NCEH1: variants seen among roughly 807,000 people sequenced by gnomAD.
The protein encoded by NCEH1 is 2-acetyl MAGE hydrolase.
NCEH1 carries 9 observed loss-of-function variants against 25.4 expected under a neutral mutation model. That is an observed-to-expected ratio of 0.35 (90% CI 0.21 to 0.62). NCEH1 has a LOEUF of 0.62. Ranked by LOEUF, NCEH1 falls within the 20% of genes least tolerant of loss-of-function variation. The pLI, the probability that NCEH1 is intolerant of heterozygous loss-of-function variation, is 0.72. For missense variants in NCEH1, 412 were observed against 501.1 expected, an observed-to-expected ratio of 0.82 and a Z score of 1.70; for synonymous variants, 200 against 199.8, an observed-to-expected ratio of 1.00 and a Z score of -0.01.
At position 172,633,785 on chromosome 3, in the gene NCEH1, G is replaced by A; in HGVS notation, c.917C>T (p.Thr306Ile). The stretch of plus-strand genomic sequence containing the variant: ...CTGGACAATCCTGGCATTGCCTGTG[G>A]TCTGTACAACAGGCTTGTAGTTCTT... ...FTKNYKPVVQ[T>I]TGNARIVQEL... Residue 306 changes from threonine (T) to isoleucine (I), a missense_variant, in exon 5 of 5, where the codon ACC becomes ATC. Physicochemically the swap from Thr to Ile is moderately conservative, Grantham distance 89. Around this residue, in one of 3 missense-constraint regions of NCEH1, gnomAD observed 210 missense variants for 258.2 expected, o/e 0.81. Transcript: ENST00000475381. 1 of 1,614,218 alleles carries A rather than the reference G, an allele frequency of 6.2e-7. No individual in the cohort carries two copies. Among genetic ancestry groups the A allele is most frequent in the Non-Finnish European group, 8.5e-7 (1 of 1,180,028 alleles).
chr3:172,667,714 G>A (rs900695445), intron 1 of NCEH1, among the ~76,000 whole-genome samples: 1 of 152,184 alleles, frequency 6.6e-6, no homozygotes, highest in African/African-American at 2.4e-5. Flanking sequence ...TTCTAGATGG[G>A]TAACAGATTT....
intron 3 of NCEH1, among the ~76,000 whole-genome samples, chr3:172,642,796 C>A (rs1327019849): frequency 6.6e-6 from 1 of 152,136 alleles, no homozygotes; most frequent in Non-Finnish European, 1.5e-5. Context: ...CATGACAATT[C>A]TCTGCAGTCA....
intron 1 of NCEH1, among the ~76,000 whole-genome samples, chr3:172,657,154 C>A (rs1194297851): frequency 6.6e-6 from 1 of 152,152 alleles, no homozygotes; most frequent in Admixed American, 6.5e-5. Context: ...TTTCCTTGAG[C>A]AAGCCAATGT....
intron 3 of NCEH1, 39 bp from the exon 4 acceptor site, chr3:172,636,126 C>T: frequency 1.4e-6 from 2 of 1,468,596 alleles, no homozygotes; most frequent in African/African-American, 1.4e-5. Context: ...AGGCCTTCTC[C>T]AATTTTGGGG....
At chr3:172,638,869 T>C (rs1716721645) in intron 3 of NCEH1, among the ~76,000 whole-genome samples, 1 of 152,210 alleles carries the variant, frequency 6.6e-6, no homozygotes, top group Admixed American at 6.5e-5. Context: ...TATAATAGGA[T>C]AAACATGCTT....
chr3:172,642,336 G>A (rs889524823), intron 3 of NCEH1, among the ~76,000 whole-genome samples: 19 of 151,878 alleles, frequency 1.3e-4, no homozygotes, highest in Admixed American at 1.2e-3. Flanking sequence ...ACCATGCCTG[G>A]CTAATTGTTT....
intron 1 of NCEH1, among the ~76,000 whole-genome samples, chr3:172,702,776 G>C (rs1449188161): frequency 2.0e-5 from 3 of 152,096 alleles, no homozygotes; most frequent in Non-Finnish European, 4.4e-5. Flanking sequence ...TTGAGCCCAG[G>C]AGTTTGAGAC....
chr3:172,691,673 G>A (rs549609868), intron 1 of NCEH1, among the ~76,000 whole-genome samples: 315 of 152,242 alleles, frequency 2.1e-3, no homozygotes, highest in African/African-American at 7.2e-3. Context: ...GTGCTGGCCG[G>A]GCGCGGTGGC....
intron 1 of NCEH1, among the ~76,000 whole-genome samples, chr3:172,673,631 A>G (rs2108514235): frequency 6.6e-6 from 1 of 152,312 alleles, no homozygotes; most frequent in South Asian, 2.1e-4. Context: ...TTCATGAGAG[A>G]CAGCAGGGAT....
At chr3:172,700,069 T>C (rs1363780077) in intron 1 of NCEH1, among the ~76,000 whole-genome samples, 2 of 152,218 alleles carry the variant, frequency 1.3e-5, no homozygotes, top group African/African-American at 4.8e-5. Flanking sequence ...CCAATAGGTA[T>C]TCTACAAATG....
At chr3:172,691,706 T>C (rs1439026543) in intron 1 of NCEH1, among the ~76,000 whole-genome samples, 3 of 152,214 alleles carry the variant, frequency 2.0e-5, no homozygotes, top group Non-Finnish European at 2.9e-5. Context: ...TCCCAGCACT[T>C]GGGGAGGCTG....
At chr3:172,664,252 G>C (rs1206097272) in intron 1 of NCEH1, among the ~76,000 whole-genome samples, 1 of 152,306 alleles carries the variant, frequency 6.6e-6, no homozygotes, top group East Asian at 1.9e-4. Flanking sequence ...ATTCTGGGTT[G>C]AAAATTCTTT....
rs548490871 is a variant in NCEH1, at chr3:172,661,817, G to A, written c.139-13703C>T. On this transcript the variant is annotated intron_variant, in intron 1 of 4. Transcript: ENST00000475381. The stretch of plus-strand genomic sequence containing the variant: ...GGAATGCTTGTGATTTTTGCACATT[G>A]ATTTTGTATCCTGAGACTTTGCTGA... Among the ~76,000 whole-genome samples the A allele has an allele frequency of 3.6e-3, 544 of 152,048 alleles. 3 individuals carry two copies. Among genetic ancestry groups the A allele is most frequent in the African/African-American group, 0.013 (532 of 41,490 alleles).
intron 3 of NCEH1, among the ~76,000 whole-genome samples, chr3:172,643,268 T>A (rs544701934): frequency 3.3e-5 from 5 of 152,262 alleles, no homozygotes; most frequent in Middle Eastern, 3.4e-3. Flanking sequence ...AAATAGGGTC[T>A]CCCTGTGTTG....
intron 1 of NCEH1, among the ~76,000 whole-genome samples, chr3:172,684,928 C>T (rs997144609): frequency 2.0e-5 from 3 of 150,822 alleles, no homozygotes; most frequent in Admixed American, 6.6e-5. Flanking sequence ...TGCAGTGAGC[C>T]GAGACTGTGC....
At chr3:172,650,314 C>T (rs1379097009) in intron 1 of NCEH1, among the ~76,000 whole-genome samples, 1 of 151,900 alleles carries the variant, frequency 6.6e-6, no homozygotes, top group Non-Finnish European at 1.5e-5. Flanking sequence ...ACCAGCCTGG[C>T]CAACATGGTG....
At chr3:172,659,406 G>A (rs897454476) in intron 1 of NCEH1, among the ~76,000 whole-genome samples, 2 of 152,128 alleles carry the variant, frequency 1.3e-5, no homozygotes, top group African/African-American at 4.8e-5. Flanking sequence ...TCTCCAGGGG[G>A]ACAACCATGT....
At chr3:172,702,705 T>C (rs576559105) in intron 1 of NCEH1, among the ~76,000 whole-genome samples, 2 of 152,302 alleles carry the variant, frequency 1.3e-5, no homozygotes, top group Admixed American at 1.3e-4. Context: ...CAATTACAGG[T>C]AGGCACGGTG....
chr3:172,666,099 T>C (rs1004367484), intron 1 of NCEH1, among the ~76,000 whole-genome samples: 1 of 152,234 alleles, frequency 6.6e-6, no homozygotes, highest in Non-Finnish European at 1.5e-5. Flanking sequence ...GAGCTGCTTC[T>C]ATTCTTGGAA....
Sources: allele counts gnomAD v4.1 joint callset (sites outside exome capture counted in the v4.1 genomes callset), GRCh38; gene constraint gnomAD v4.1.1; regional missense constraint gnomAD v4.1.1; transcripts MANE v1.5; gene names NCBI Gene and HGNC (gene_info 2026-07-23, HGNC 2026-07-21).